KCND2: variants seen among roughly 807,000 people sequenced by gnomAD.
KCND2 encodes potassium voltage-gated channel subfamily D member 2.
KCND2 carries 16 observed loss-of-function variants against 54.4 expected under a neutral mutation model. That is an observed-to-expected ratio of 0.29 (90% CI 0.20 to 0.45). The LOEUF (loss-of-function observed/expected upper bound fraction) is 0.45, where lower values mean the gene tolerates loss of function less well. KCND2 is among the 20% of genes least tolerant of loss of function. The pLI, the probability that KCND2 is intolerant of heterozygous loss-of-function variation, is 1.00. For synonymous variants in KCND2, 317 were observed against 310.7 expected (o/e 1.02, Z -0.21); for missense variants, 486 against 824.2 (o/e 0.59, Z 5.02).
intron 1 of KCND2, among the ~76,000 whole-genome samples, chr7:120,718,120 A>G (rs564845819): frequency 6.6e-6 from 1 of 152,296 alleles, no homozygotes; most frequent in East Asian, 1.9e-4. Context: ...AGATGAGCTA[A>G]TAGTCAGAGA....
chr7:120,679,107 C>A (rs994511525), intron 1 of KCND2, among the ~76,000 whole-genome samples: 1 of 151,662 alleles, frequency 6.6e-6, no homozygotes, highest in South Asian at 2.1e-4. Flanking sequence ...CATCTGGTAG[C>A]CTACCCTGAG....
chr7:120,445,359 C>T (rs962747180), intron 1 of KCND2, among the ~76,000 whole-genome samples: 1 of 152,072 alleles, frequency 6.6e-6, no homozygotes, highest in East Asian at 1.9e-4. Flanking sequence ...GTAATGAATA[C>T]ATGGATTCTG....
intron 1 of KCND2, among the ~76,000 whole-genome samples, chr7:120,702,438 G>A (rs1344949071): frequency 6.6e-6 from 1 of 152,152 alleles, no homozygotes; most frequent in Admixed American, 6.5e-5. Context: ...TCTCATTACT[G>A]GGTATATTCC....
At chr7:120,308,272 A>G (rs1799678194) in intron 1 of KCND2, among the ~76,000 whole-genome samples, 1 of 152,080 alleles carries the variant, frequency 6.6e-6, no homozygotes, top group South Asian at 2.1e-4. Flanking sequence ...TGCTTCTCAT[A>G]ATCACTGTAT....
intron 1 of KCND2, among the ~76,000 whole-genome samples, chr7:120,644,137 G>A (rs897574916): frequency 1.3e-5 from 2 of 152,014 alleles, no homozygotes; most frequent in African/African-American, 4.8e-5. Context: ...TACCTGGATT[G>A]AGAGTTTCAG....
chr7:120,391,948 T>C (rs562932421), intron 1 of KCND2, among the ~76,000 whole-genome samples: 14 of 152,264 alleles, frequency 9.2e-5, no homozygotes, highest in African/African-American at 3.4e-4. Flanking sequence ...ATTTTGGCTT[T>C]TGTTGCAATT....
chr7:120,724,683 T>A (rs1456414173), intron 1 of KCND2, among the ~76,000 whole-genome samples: 1 of 151,902 alleles, frequency 6.6e-6, no homozygotes, highest in Non-Finnish European at 1.5e-5. Context: ...TATGTGAGAG[T>A]GAAAGGATAG....
intron 1 of KCND2, among the ~76,000 whole-genome samples, chr7:120,413,996 G>T (rs1000509939): frequency 3.5e-4 from 52 of 149,284 alleles, no homozygotes; most frequent in Middle Eastern, 3.5e-3. Flanking sequence ...CTATTAAACT[G>T]AAGTTCATTT....
intron 1 of KCND2, among the ~76,000 whole-genome samples, chr7:120,646,086 AAC>A (rs1793439050): frequency 6.6e-6 from 1 of 152,200 alleles, no homozygotes; most frequent in African/African-American, 2.4e-5. Context: ...CTAGGAAATA[AAC>A]TAAAGTCTGC....
At chr7:120,539,811 G>C (rs1791958065) in intron 1 of KCND2, among the ~76,000 whole-genome samples, 1 of 151,914 alleles carries the variant, frequency 6.6e-6, no homozygotes, top group South Asian at 2.1e-4. Context: ...TCCCAATACA[G>C]TATTATTCTC....
intron 1 of KCND2, among the ~76,000 whole-genome samples, chr7:120,377,407 G>A (rs544232730): frequency 6.6e-6 from 1 of 152,022 alleles, no homozygotes; most frequent in Non-Finnish European, 1.5e-5. Flanking sequence ...TGGTGAGATT[G>A]TTAAAAATGT....
intron 1 of KCND2, among the ~76,000 whole-genome samples, chr7:120,646,400 T>C (rs1459815307): frequency 6.6e-6 from 1 of 152,250 alleles, no homozygotes; most frequent in Non-Finnish European, 1.5e-5. Flanking sequence ...AGACATCTTT[T>C]TAAAAAGTAA....
At position 120,472,171 on chromosome 7, in the gene KCND2, A is replaced by G. The variant is rs145051317; in HGVS notation, c.1115+196424A>G. Among the ~76,000 whole-genome samples, 794 of 152,016 alleles carry G rather than the reference A, an allele frequency of 5.2e-3. 6 individuals are homozygous for G. Among genetic ancestry groups the G allele is most frequent in the African/African-American group, 0.018 (742 of 41,512 alleles). On this transcript the variant is annotated intron_variant, in intron 1 of 5. Transcript: ENST00000331113. ...TGGAATATAACCTCAGGTAAATGAC[A>G]TCATCTTCCTGAATCTTGTTTTTTT...
intron 1 of KCND2, among the ~76,000 whole-genome samples, chr7:120,334,496 CT>C (rs1362068578): frequency 6.6e-6 from 1 of 152,070 alleles, no homozygotes; most frequent in Non-Finnish European, 1.5e-5. Flanking sequence ...TGATAATTAA[CT>C]GTCCCTGACT....
intron 1 of KCND2, among the ~76,000 whole-genome samples, chr7:120,333,130 G>T (rs1800092215): frequency 6.6e-6 from 1 of 152,052 alleles, no homozygotes; most frequent in East Asian, 1.9e-4. Flanking sequence ...ATCTCATTCT[G>T]TTTCAGTCAC....
chr7:120,643,796 T>C (rs1262432453), intron 1 of KCND2, among the ~76,000 whole-genome samples: 1 of 150,552 alleles, frequency 6.6e-6, no homozygotes, highest in African/African-American at 2.4e-5. Context: ...ATGAGTGAAA[T>C]AGAAAAAAAA....
chr7:120,725,467 G>A (rs2116119144), intron 1 of KCND2, among the ~76,000 whole-genome samples: 1 of 152,256 alleles, frequency 6.6e-6, no homozygotes, highest in East Asian at 1.9e-4. Flanking sequence ...ACTATTTCCA[G>A]AGGAATAAGA....
intron 1 of KCND2, among the ~76,000 whole-genome samples, chr7:120,730,029 AAG>A: frequency 6.6e-6 from 1 of 152,174 alleles, no homozygotes; most frequent in East Asian, 1.9e-4. Context: ...AGAATACAAA[AAG>A]TAAACAGTAA....
intron 1 of KCND2, among the ~76,000 whole-genome samples, chr7:120,394,624 T>G (rs974845226): frequency 6.6e-6 from 1 of 151,920 alleles, no homozygotes; most frequent in African/African-American, 2.4e-5. Flanking sequence ...GGAAATCAGT[T>G]TTAGGGAGGG....
Sources: gnomAD v4.1 joint callset for allele counts (sites outside exome capture counted in the v4.1 genomes callset) on GRCh38, gnomAD v4.1.1 for gene constraint, MANE v1.5 for transcripts, NCBI Gene and HGNC (gene_info 2026-07-23, HGNC 2026-07-21) for gene names.